The following TNRC6A variants were observed in gnomAD, a reference collection of about 807,000 sequenced individuals.
TNRC6A encodes trinucleotide repeat containing adaptor 6A.
TNRC6A carries 44 observed loss-of-function variants against 221.2 expected under a neutral mutation model. The ratio of observed to expected loss-of-function variants is 0.20; its 90% confidence interval spans 0.16 to 0.26. The LOEUF is 0.26. Among genes scored for constraint, TNRC6A ranks in the 10% least tolerant of loss-of-function variants. The pLI is 1.00. For synonymous variants in TNRC6A, 847 were observed against 838.5 expected, an observed-to-expected ratio of 1.01 and a Z score of -0.18; for missense variants, 2,199 against 2,404.4, an observed-to-expected ratio of 0.91 and a Z score of 1.79.
At chr16:24,685,993 G>T (rs2055618304) in intron 2 of TNRC6A, among the ~76,000 whole-genome samples, 1 of 152,136 alleles carries the variant, frequency 6.6e-6, no homozygotes, top group South Asian at 2.1e-4. Flanking sequence ...GGCTAGCATT[G>T]CCATTCAGCC....
intron 2 of TNRC6A, among the ~76,000 whole-genome samples, chr16:24,651,538 C>CA (rs768568973): frequency 0.024 from 1,148 of 48,690 alleles, 65 homozygotes; most frequent in African/African-American, 0.039. Context: ...AACTCCATCT[C>CA]AAAAAAAAAA....
intron 2 of TNRC6A, among the ~76,000 whole-genome samples, chr16:24,735,945 A>G (rs2056757517): frequency 1.3e-5 from 2 of 152,144 alleles, no homozygotes; most frequent in Non-Finnish European, 2.9e-5. Context: ...TGGGCAGATC[A>G]CTGGAGGTCA....
intron 1 of TNRC6A, among the ~76,000 whole-genome samples, chr16:24,616,162 C>T (rs1387744603): frequency 6.6e-6 from 1 of 151,610 alleles, no homozygotes; most frequent in East Asian, 1.9e-4. Context: ...CCTGTCTCTA[C>T]TAAAAATACA....
Position 24,691,406 on chromosome 16 carries a change from A to T in TNRC6A, n.402+50397A>T, listed in dbSNP as rs147194121. Among the ~76,000 whole-genome samples the T allele has an allele frequency of 2.8e-3, 419 of 152,146 alleles. 1 individual carries two copies. Among genetic ancestry groups the T allele is most frequent in the African/African-American group, 9.7e-3 (403 of 41,560 alleles). On this transcript the variant is annotated intron_variant and non_coding_transcript_variant, in intron 2 of 2. Transcript: ENST00000566108. ...CCCATTTTACATTTTTAAATAAAGC[A>T]TCAAGCTCATAGACAACAATACAAT...
chr16:24,698,108 G>T, intron 2 of TNRC6A, among the ~76,000 whole-genome samples: 1 of 151,254 alleles, frequency 6.6e-6, no homozygotes, highest in Non-Finnish European at 1.5e-5. Flanking sequence ...CAGGAGGACC[G>T]CTTGAGCCCA....
intron 2 of TNRC6A, among the ~76,000 whole-genome samples, chr16:24,724,296 C>A (rs1432782736): frequency 6.6e-6 from 1 of 152,138 alleles, no homozygotes. Flanking sequence ...TGACATTGAG[C>A]AAGTTAATTA....
chr16:24,680,461 T>G (rs536660396), intron 2 of TNRC6A, among the ~76,000 whole-genome samples: 8 of 151,260 alleles, frequency 5.3e-5, no homozygotes, highest in Non-Finnish European at 7.4e-5. Context: ...GGCTCACACC[T>G]GTAATCCCAA....
chr16:24,743,179 A>G (rs770345373), intron 2 of TNRC6A, among the ~76,000 whole-genome samples: 20 of 152,270 alleles, frequency 1.3e-4, no homozygotes, highest in Non-Finnish European at 2.6e-4. Flanking sequence ...TACCAGTGCT[A>G]TGTTTCAGGG....
chr16:24,693,951 C>G (rs1164883072), intron 2 of TNRC6A, among the ~76,000 whole-genome samples: 1 of 152,086 alleles, frequency 6.6e-6, no homozygotes, highest in East Asian at 1.9e-4. Flanking sequence ...GCAGAAGTAA[C>G]TCCGAAAACA....
intron 1 of TNRC6A, among the ~76,000 whole-genome samples, chr16:24,637,985 A>T (rs1024799783): frequency 9.9e-5 from 15 of 151,992 alleles, no homozygotes; most frequent in South Asian, 2.1e-4. Context: ...GGGCTTTACC[A>T]TGTTGGCCAG....
upstream of TNRC6A, among the ~76,000 whole-genome samples, chr16:24,728,388 G>A (rs1378902948): frequency 6.6e-6 from 1 of 151,932 alleles, no homozygotes; most frequent in South Asian, 2.1e-4. Context: ...CGGAGGTTGC[G>A]GTGAACGGAG....
chr16:24,664,769 T>TCACACACACACACACA (rs149786252), intron 2 of TNRC6A: 17 of 301,598 alleles, frequency 5.6e-5, no homozygotes, highest in South Asian at 1.4e-4. Flanking sequence ...AATCCCCAAA[T>TCACACACACACACACA]CACACACACA....
intron 5 of TNRC6A, among the ~76,000 whole-genome samples, chr16:24,786,990 T>G (rs1465978793): frequency 6.6e-6 from 1 of 152,208 alleles, no homozygotes; most frequent in Non-Finnish European, 1.5e-5. Flanking sequence ...CTGGTACTAA[T>G]ACTGTTTCTA....
At chr16:24,773,585 A>G (rs1284844946) in intron 4 of TNRC6A, among the ~76,000 whole-genome samples, 1 of 152,104 alleles carries the variant, frequency 6.6e-6, no homozygotes, top group African/African-American at 2.4e-5. Context: ...TGATTGTTTC[A>G]TGGGCATTTG....
chr16:24,795,374 GT>G (rs1477972080), intron 8 of TNRC6A, among the ~76,000 whole-genome samples: 2 of 152,172 alleles, frequency 1.3e-5, no homozygotes, highest in Non-Finnish European at 2.9e-5. Flanking sequence ...GCAGAGCCAG[GT>G]TTGGGAAGCA....
At chr16:24,730,431 A>G (rs2056604368) in intron 2 of TNRC6A, 131 bp downstream of exon 2, 1 of 1,064,322 alleles carries the variant, frequency 9.4e-7, no homozygotes, top group Non-Finnish European at 1.4e-6. Flanking sequence ...ATTCGGGAGA[A>G]GCGGCCTGGG....
Position 24,719,103 on chromosome 16 carries a change from A to G in TNRC6A, n.403-31623A>G, listed in dbSNP as rs2056366713. 2.6e-5 allele frequency among the ~76,000 whole-genome samples: 4 copies of G among 152,086 alleles called. No homozygotes were observed. The South Asian group carries it at 6.2e-4, about 24-fold the overall frequency. ...GCAGACTATGGAAAATTATTTATTCATTTAATAAGTATTATTGAGGGCCTA... is the reference window on the plus strand; with the variant it reads ...GCAGACTATGGAAAATTATTTATTCGTTTAATAAGTATTATTGAGGGCCTA... On this transcript the variant is annotated intron_variant and non_coding_transcript_variant, in intron 2 of 2. Coordinates refer to the TNRC6A transcript ENST00000566108.
chr16:24,776,893 T>C (rs924524099), intron 4 of TNRC6A, 40 bp from the exon 5 acceptor site: 1 of 1,580,858 alleles, frequency 6.3e-7, no homozygotes, highest in Non-Finnish European at 8.6e-7. Flanking sequence ...TACACTTTAC[T>C]GGCTAATCTT....
intron 12 of TNRC6A, 62 bp downstream of exon 12, chr16:24,804,381 A>T (rs1325379321): frequency 6.5e-7 from 1 of 1,541,116 alleles, no homozygotes; most frequent in African/African-American, 1.4e-5. Flanking sequence ...CGTAATTTTC[A>T]CACTAATATT....
Sources: gnomAD v4.1 joint callset for allele counts (sites outside exome capture counted in the v4.1 genomes callset) on GRCh38, gnomAD v4.1.1 for gene constraint, MANE v1.5 for transcripts, NCBI Gene and HGNC (gene_info 2026-07-23, HGNC 2026-07-21) for gene names.